Variants in HIVEP3 observed in about 807,000 individuals in gnomAD.
The protein encoded by HIVEP3 is transcription factor HIVEP3.
Under a neutral mutation model 152.8 loss-of-function variants are expected in HIVEP3, and 49 were observed. That is an observed-to-expected ratio of 0.32 (90% CI 0.26 to 0.41). HIVEP3 has a LOEUF of 0.41. Ranked by LOEUF, HIVEP3 falls within the 10% of genes least tolerant of loss-of-function variation. The pLI is 1.00. For synonymous variants in HIVEP3, 1,269 were observed against 1,289.0 expected, an observed-to-expected ratio of 0.98 and a Z score of 0.33; for missense variants, 2,790 against 3,103.3, an observed-to-expected ratio of 0.90 and a Z score of 2.40.
chr1:41,865,959 T>G (rs7535166), intron 1 of HIVEP3, among the ~76,000 whole-genome samples: 1,600 of 152,342 alleles, frequency 0.011, 21 homozygotes, highest in African/African-American at 0.036. Flanking sequence ...AAGGCTTTTA[T>G]GGTAGAAGGG....
chr1:41,722,406 T>TGCC (rs1646687475), intron 1 of HIVEP3, among the ~76,000 whole-genome samples: 1 of 126,406 alleles, frequency 7.9e-6, no homozygotes, highest in Non-Finnish European at 1.7e-5. Context: ...TTGGCTGGCC[T>TGCC]TCCTTCCTTC....
At chr1:41,562,536 T>TC (rs142574468) in intron 5 of HIVEP3, among the ~76,000 whole-genome samples, 13 of 64,706 alleles carry the variant, frequency 2.0e-4, no homozygotes, top group Non-Finnish European at 4.8e-4. Flanking sequence ...TCCCTTCCCT[T>TC]CCTTCCTTCC....
In HIVEP3 at chr1:41,509,225, T is replaced by G. The variant is rs1342594223; in HGVS notation, c.*1226A>C. 3 of 151,942 alleles carry G rather than the reference T, an allele frequency of 2.0e-5. No individual in the cohort carries two copies. Among genetic ancestry groups the G allele is most frequent in the African/African-American group, 7.3e-5 (3 of 41,346 alleles). 9.4% of individuals were successfully genotyped at this position (151,942 alleles called of 1,614,324 possible). A position where few individuals can be genotyped will look rare whatever the true frequency, so the allele number is the denominator to read the frequency against. Reference sequence around the variant, plus strand: ...TATCAAACACCATCCTCTCTCTTTTTAAAAAAGAGGTGTAAGACAGCAAAC... The same window carrying G: ...TATCAAACACCATCCTCTCTCTTTTGAAAAAAGAGGTGTAAGACAGCAAAC... On this transcript the variant is annotated 3_prime_UTR_variant, in exon 9 of 9. Coordinates refer to ENST00000372583, the MANE Select transcript of HIVEP3 (RefSeq NM_024503.5).
At chr1:41,986,316 A>G (rs553149811) in intron 1 of HIVEP3, among the ~76,000 whole-genome samples, 2 of 152,348 alleles carry the variant, frequency 1.3e-5, no homozygotes, top group African/African-American at 4.8e-5. Context: ...TTATTTTACC[A>G]AAACATTATC....
intron 1 of HIVEP3, among the ~76,000 whole-genome samples, chr1:42,026,173 G>T (rs1181439011): frequency 6.6e-6 from 1 of 151,906 alleles, no homozygotes; most frequent in African/African-American, 2.4e-5. Flanking sequence ...CCTCCCTGCT[G>T]TCCCAGAAGG....
At chr1:41,634,317 C>A (rs950758118) in intron 2 of HIVEP3, among the ~76,000 whole-genome samples, 10 of 152,116 alleles carry the variant, frequency 6.6e-5, no homozygotes, top group Non-Finnish European at 1.2e-4. Context: ...CTATTTAATT[C>A]TTGACATCAA....
rs761936859 is a variant in HIVEP3, at chr1:41,581,955, G to A, written c.2843C>T (p.Ser948Leu). ...VSLSGSSRSASFERDDHGKAE... is the reference protein window; with the variant it reads ...VSLSGSSRSALFERDDHGKAE... ...TTTCCCATGGTCATCCCTCTCAAAC[G>A]AGGCTGAGCGGCTGGACCCACTCAA... Residue 948 changes from serine to leucine, a missense_variant, in exon 4 of 9, where the codon TCG becomes TTG. Ser to Leu is a moderately radical substitution (Grantham distance 145). This residue lies in a region of HIVEP3 where 1,078 missense variants were observed against 1,165.3 expected (regional missense o/e 0.93). Transcript: ENST00000372583. The surrounding 1 kb of genome is among the most constrained non-coding windows in gnomAD (Gnocchi z 4.5). 8 of 1,614,054 alleles carry A rather than the reference G, an allele frequency of 5.0e-6. No individual in the cohort carries two copies. The highest frequency in any genetic ancestry group is 2.2e-5 in the East Asian group (1 of 44,886).
At chr1:41,855,710 G>A (rs139007757) in intron 1 of HIVEP3, among the ~76,000 whole-genome samples, 381 of 152,208 alleles carry the variant, frequency 2.5e-3, no homozygotes, top group Non-Finnish European at 4.6e-3. Context: ...CTCCCCCACT[G>A]GACCATAGAA....
At chr1:41,861,421 A>T (rs1570688122) in intron 1 of HIVEP3, among the ~76,000 whole-genome samples, 2 of 152,264 alleles carry the variant, frequency 1.3e-5, no homozygotes, top group East Asian at 3.8e-4. Context: ...ATCAAGGCAC[A>T]AAGAATCCAG....
At chr1:41,879,674 C>T (rs565990080) in intron 1 of HIVEP3, among the ~76,000 whole-genome samples, 2 of 152,316 alleles carry the variant, frequency 1.3e-5, no homozygotes, top group East Asian at 3.9e-4. Flanking sequence ...CCTCTGCCTG[C>T]TCTGTCCCTG....
At chr1:41,752,785 C>G (rs1042294688) in intron 1 of HIVEP3, among the ~76,000 whole-genome samples, 1 of 152,214 alleles carries the variant, frequency 6.6e-6, no homozygotes, top group South Asian at 2.1e-4. Flanking sequence ...GAACTCTGAC[C>G]TCTCTGGGTT....
intron 1 of HIVEP3, among the ~76,000 whole-genome samples, chr1:41,949,724 G>T (rs371272400): frequency 6.6e-6 from 1 of 152,114 alleles, no homozygotes; most frequent in Non-Finnish European, 1.5e-5. Context: ...TAACCTCCTT[G>T]TTAAGCTTGT....
intron 1 of HIVEP3, among the ~76,000 whole-genome samples, chr1:42,024,336 G>A (rs1645570623): frequency 6.6e-6 from 1 of 152,106 alleles, no homozygotes; most frequent in South Asian, 2.1e-4. Flanking sequence ...TTATTTGACA[G>A]TATATAGTTT....
intron 3 of HIVEP3, among the ~76,000 whole-genome samples, chr1:41,593,771 G>A (rs1344911063): frequency 6.6e-6 from 1 of 152,234 alleles, no homozygotes; most frequent in Non-Finnish European, 1.5e-5. Flanking sequence ...GTGGCTTAAT[G>A]CAAAATTTAC....
intron 5 of HIVEP3, among the ~76,000 whole-genome samples, chr1:41,551,694 AGTTT>A (rs1643895692): frequency 6.6e-6 from 1 of 152,220 alleles, no homozygotes; most frequent in South Asian, 2.1e-4. Flanking sequence ...CTCTGATGGT[AGTTT>A]GTTTTTCTGT....
chr1:41,557,586 G>A (rs549385260), intron 5 of HIVEP3, among the ~76,000 whole-genome samples: 4 of 152,142 alleles, frequency 2.6e-5, no homozygotes, highest in Middle Eastern at 3.2e-3. Flanking sequence ...AGTCACCTTT[G>A]GGGGGATGGC....
chr1:41,598,688 GCCTTACTATAAGCTA>G (rs1644702180), intron 3 of HIVEP3, among the ~76,000 whole-genome samples: 1 of 152,162 alleles, frequency 6.6e-6, no homozygotes, highest in South Asian at 2.1e-4. Flanking sequence ...TAAATCATAG[GCCTTACTATAAGCTA>G]CAGTAATCAA....
chr1:41,548,296 G>T (rs1643852928), intron 5 of HIVEP3, among the ~76,000 whole-genome samples: 1 of 152,160 alleles, frequency 6.6e-6, no homozygotes, highest in African/African-American at 2.4e-5. Flanking sequence ...CCACCCTGCA[G>T]ATGAGAAAGG....
intron 3 of HIVEP3, among the ~76,000 whole-genome samples, chr1:41,591,994 C>T (rs761976327): frequency 3.3e-5 from 5 of 152,142 alleles, no homozygotes; most frequent in South Asian, 2.1e-4. Context: ...TGCTGCCTGA[C>T]GCTGACTTGA....
Sources: allele counts gnomAD v4.1 joint callset (sites outside exome capture counted in the v4.1 genomes callset), GRCh38; gene constraint gnomAD v4.1.1; regional missense constraint gnomAD v4.1.1; non-coding constraint Gnocchi (gnomAD v3.1); transcripts MANE v1.5; gene names NCBI Gene and HGNC (gene_info 2026-07-23, HGNC 2026-07-21).